ADAM23: variants seen among roughly 807,000 people sequenced by gnomAD.
ADAM23 encodes disintegrin and metalloproteinase domain-containing protein 23.
In ADAM23, 33 loss-of-function variants were observed where a neutral mutation model predicts 120.1. The ratio of observed to expected loss-of-function variants is 0.27; its 90% CI spans 0.21 to 0.37. ADAM23 has a LOEUF of 0.37. Ranked by LOEUF, ADAM23 falls within the 10% of genes least tolerant of loss-of-function variation. The probability of loss-of-function intolerance (pLI) is 1.00; values close to 1 mark genes in which losing one functional copy is unlikely to be tolerated. For missense variants in ADAM23, 862 were observed against 1,058.2 expected (o/e 0.81, Z 2.57); for synonymous variants, 367 against 375.2 (o/e 0.98, Z 0.25).
At chr2:206,524,946 T>G (rs937728295) in intron 3 of ADAM23, among the ~76,000 whole-genome samples, 4 of 152,190 alleles carry the variant, frequency 2.6e-5, no homozygotes, top group Non-Finnish European at 5.9e-5. Context: ...TTGAGTATTT[T>G]CCACCTTGTA....
chr2:206,593,521 A>G (rs963932876), intron 22 of ADAM23, among the ~76,000 whole-genome samples: 2 of 152,124 alleles, frequency 1.3e-5, no homozygotes, highest in Non-Finnish European at 2.9e-5. Flanking sequence ...TTCATTGGGT[A>G]CTAAATTGGC....
rs776060351 is a variant in ADAM23 at position 206,445,384 on chromosome 2, A to G, written c.292A>G (p.Ser98Gly). 5 of 1,614,000 alleles carry G rather than the reference A, an allele frequency of 3.1e-6. No homozygotes were observed. In the African/African-American group the frequency reaches 5.3e-5, roughly 17 times the overall value. ...DEDNTLQQNS[S>G]SNISYSNAMQ... ...AGACAATACATTGCAACAGAATAGC[A>G]GCAGTAATATCAGTTACAGCAATGC... is the stretch of plus-strand genomic sequence containing the variant. Residue 98 changes from serine to glycine, a missense_variant, in exon 2 of 26, where the codon AGC becomes GGC. Ser to Gly is a moderately conservative substitution (Grantham distance 56). Around this residue, in one of 4 missense-constraint regions of ADAM23, gnomAD observed 225 missense variants for 204.0 expected, o/e 1.10. Transcript: ENST00000264377.
chr2:206,594,667 C>A, intron 22 of ADAM23, 70 bp from the exon 23 acceptor site: 1 of 1,573,432 alleles, frequency 6.4e-7, no homozygotes, highest in South Asian at 1.2e-5. Flanking sequence ...TTGTGAAGAG[C>A]AAGCCTCATT....
intron 22 of ADAM23, 58 bp from the exon 23 acceptor site, chr2:206,594,679 A>C: frequency 6.3e-7 from 1 of 1,588,704 alleles, no homozygotes; most frequent in Admixed American, 1.7e-5. Flanking sequence ...AGCCTCATTC[A>C]TGGAATGATG....
Position 206,493,651 on chromosome 2 carries a change from C to T in ADAM23, c.509+12343C>T, listed in dbSNP as rs553348053. Among the ~76,000 whole-genome samples the T allele has an allele frequency of 3.5e-3, 539 of 152,346 alleles. 3 individuals are homozygous for T. The highest frequency in any genetic ancestry group is 5.5e-3 in the Non-Finnish European group (374 of 68,032). On this transcript the variant is annotated intron_variant, in intron 3 of 25. Transcript: ENST00000264377. Reference sequence around the variant, plus strand: ...GCCTCCCAAGTGCTGGGATTACAGGCGTGAGCCACCACACCTAGCCTATAT... The same window carrying T: ...GCCTCCCAAGTGCTGGGATTACAGGTGTGAGCCACCACACCTAGCCTATAT...
At chr2:206,603,933 T>A (rs909672744) in intron 24 of ADAM23, among the ~76,000 whole-genome samples, 14 of 150,632 alleles carry the variant, frequency 9.3e-5, no homozygotes, top group African/African-American at 3.4e-4. Flanking sequence ...GTATTGCAGC[T>A]CTGAGAACCA....
intron 2 of ADAM23, among the ~76,000 whole-genome samples, chr2:206,473,890 G>C (rs1291349211): frequency 6.6e-6 from 1 of 151,496 alleles, no homozygotes; most frequent in Non-Finnish European, 1.5e-5. Context: ...GCATGTACCT[G>C]TGGTCCCAGC....
chr2:206,599,191 C>G (rs1438188163), intron 24 of ADAM23, among the ~76,000 whole-genome samples: 2 of 141,620 alleles, frequency 1.4e-5, no homozygotes, highest in East Asian at 2.0e-4. Flanking sequence ...GGTAACAGAG[C>G]GAGATTCCAT....
chr2:206,503,733 A>G lies in ADAM23; in HGVS notation c.509+22425A>G, dbSNP rs184609417. Among the ~76,000 whole-genome samples, 90 of 152,258 alleles carry G rather than the reference A, an allele frequency of 5.9e-4. No homozygotes were observed. In the Middle Eastern group the frequency reaches 0.014, roughly 23 times the overall value. Reference sequence around the variant, plus strand: ...GTAATAATCAGTTTCTTCTGCAAATATTCTGTCATAAGTCAATTCTGATTT... The same window carrying G: ...GTAATAATCAGTTTCTTCTGCAAATGTTCTGTCATAAGTCAATTCTGATTT... On this transcript the variant is annotated intron_variant, in intron 3 of 25. Coordinates refer to ENST00000264377, the MANE Select transcript of ADAM23 (RefSeq NM_003812.4).
intron 3 of ADAM23, among the ~76,000 whole-genome samples, chr2:206,523,960 G>T (rs1224616212): frequency 6.6e-6 from 1 of 152,088 alleles, no homozygotes; most frequent in East Asian, 1.9e-4. Flanking sequence ...GAGAGTCTCC[G>T]CAGTGACAGC....
intron 24 of ADAM23, among the ~76,000 whole-genome samples, chr2:206,599,919 T>G (rs1698603833): frequency 1.3e-5 from 2 of 152,178 alleles, no homozygotes; most frequent in Admixed American, 1.3e-4. Context: ...ATGCATGTTG[T>G]GGCCGGGCAC....
chr2:206,463,616 A>G (rs1228773238), intron 2 of ADAM23, among the ~76,000 whole-genome samples: 3 of 152,240 alleles, frequency 2.0e-5, no homozygotes, highest in Non-Finnish European at 4.4e-5. Context: ...CTATGTCCCA[A>G]TGTGGGGCCG....
chr2:206,477,893 A>T (rs867861530), intron 2 of ADAM23, among the ~76,000 whole-genome samples: 36,725 of 99,644 alleles, frequency 0.37, 6,175 homozygotes, highest in Non-Finnish European at 0.4. Flanking sequence ...AAAAAAAAAA[A>T]AAAAATATAT....
intron 18 of ADAM23, among the ~76,000 whole-genome samples, chr2:206,585,527 A>T (rs1698304459): frequency 6.6e-6 from 1 of 152,232 alleles, no homozygotes; most frequent in Non-Finnish European, 1.5e-5. Flanking sequence ...GCTTCTTAGG[A>T]ATGCTAAATT....
intron 2 of ADAM23, among the ~76,000 whole-genome samples, chr2:206,475,763 A>G (rs1185554159): frequency 6.6e-6 from 1 of 151,966 alleles, no homozygotes; most frequent in East Asian, 1.9e-4. Flanking sequence ...AACATTATAA[A>G]ATGTCCTGAA....
At chr2:206,605,612 TCA>T (rs1227548320) in intron 24 of ADAM23, among the ~76,000 whole-genome samples, 6 of 152,232 alleles carry the variant, frequency 3.9e-5, no homozygotes, top group Non-Finnish European at 7.3e-5. Context: ...GAAGGTAAAT[TCA>T]CAGTTATCCT....
intron 17 of ADAM23, 37 bp from the exon 18 acceptor site, chr2:206,573,078 G>GCAATATAATATA (rs1698037374): frequency 6.3e-7 from 1 of 1,596,330 alleles, no homozygotes; most frequent in South Asian, 1.1e-5. Context: ...GAAATATTAT[G>GCAATATAATATA]TAATGCTAAC....
chr2:206,563,942 G>A (rs1226977752), intron 13 of ADAM23, among the ~76,000 whole-genome samples: 1 of 152,032 alleles, frequency 6.6e-6, no homozygotes, highest in Admixed American at 6.6e-5. Flanking sequence ...GTGTTAGCCA[G>A]TATGGTCTCG....
intron 18 of ADAM23, among the ~76,000 whole-genome samples, chr2:206,579,847 A>T (rs1698187568): frequency 6.6e-6 from 1 of 151,860 alleles, no homozygotes; most frequent in South Asian, 2.1e-4. Flanking sequence ...TATTGATTCT[A>T]CCCATCTGTG....
Sources: gnomAD v4.1 joint callset for allele counts (sites outside exome capture counted in the v4.1 genomes callset) on GRCh38, gnomAD v4.1.1 for gene constraint, gnomAD v4.1.1 regional missense constraint, MANE v1.5 for transcripts, NCBI Gene and HGNC (gene_info 2026-07-23, HGNC 2026-07-21) for gene names.